The following FAT2 variants were observed in gnomAD, a reference collection of about 807,000 sequenced individuals.
The protein encoded by FAT2 is FAT atypical cadherin 2.
A neutral mutation model predicts 295.3 loss-of-function variants in FAT2; 150 were observed. The ratio of observed to expected loss-of-function variants is 0.51; its 90% CI spans 0.44 to 0.58. FAT2 has a LOEUF of 0.58. FAT2 is among the 20% of genes least tolerant of loss of function. The pLI, the probability that FAT2 is intolerant of heterozygous loss-of-function variation, is 0.00. For synonymous variants in FAT2, 2,026 were observed against 2,150.3 expected (o/e 0.94, Z 1.60); for missense variants, 4,868 against 5,442.7 (o/e 0.89, Z 3.32).
chr5:151,536,131 G>C (rs1755250957), intron 12 of FAT2, among the ~76,000 whole-genome samples: 1 of 152,038 alleles, frequency 6.6e-6, no homozygotes, highest in African/African-American at 2.4e-5. Context: ...GTGGAGGAAG[G>C]GGTTATCATG....
Position 151,566,396 on chromosome 5 carries a change from C to T in FAT2, c.2536G>A (p.Asp846Asn), listed in dbSNP as rs1464431313. 3 of 1,613,952 alleles carry T rather than the reference C, an allele frequency of 1.9e-6. No homozygotes were observed. The highest frequency in any genetic ancestry group is 1.7e-6 in the Non-Finnish European group (2 of 1,179,942). ...GTTIAELTTKDADSEDNGRVR... is the reference protein window; with the variant it reads ...GTTIAELTTKNADSEDNGRVR... ...CTGCCATTGTCTTCCGAGTCAGCATCTTTGGTTGTCAGCTCTGCAATTGTG... is the reference window on the plus strand; with the variant it reads ...CTGCCATTGTCTTCCGAGTCAGCATTTTTGGTTGTCAGCTCTGCAATTGTG... The change falls in exon 2 of 24, where the codon GAT (aspartate) becomes AAT (asparagine). Residue 846 changes from aspartate (D) to asparagine (N), a missense_variant. By Grantham distance (23) the Asp-to-Asn change is conservative. Transcript: ENST00000261800.
chr5:151,580,393 G>A (rs750478257), intron 1 of FAT2, among the ~76,000 whole-genome samples: 2 of 152,210 alleles, frequency 1.3e-5, no homozygotes, highest in Non-Finnish European at 2.9e-5. Context: ...TACCTTCCTG[G>A]AGGATTTAAT....
Position 151,542,554 on chromosome 5 carries a change from G to A in FAT2, c.8573C>T (p.Thr2858Ile). 1 of 1,614,178 alleles carries A rather than the reference G, an allele frequency of 6.2e-7. No individual in the cohort carries two copies. The highest frequency in any genetic ancestry group is 8.5e-7 in the Non-Finnish European group (1 of 1,180,030). Residue 2858 changes from threonine (T) to isoleucine (I), a missense_variant, in exon 10 of 24, where the codon ACC becomes ATC. Thr to Ile is a moderately conservative substitution (Grantham distance 89, BLOSUM62 -1). This residue lies in a region of FAT2 where 3,297 missense variants were observed against 3,669.4 expected (regional missense o/e 0.90). Coordinates refer to ENST00000261800, the MANE Select transcript of FAT2 (RefSeq NM_001447.3). The part of the protein sequence containing the change: ...FAIDSESGWI[T>I]TLQELDCETC... Reference sequence around the variant, plus strand: ...CTCACAGTCAAGTTCCTGGAGTGTGGTGATCCAACCACTCTCACTGTCAAT... The same window carrying A: ...CTCACAGTCAAGTTCCTGGAGTGTGATGATCCAACCACTCTCACTGTCAAT...
At position 151,566,544 on chromosome 5, in the gene FAT2, G is replaced by A. The variant is rs772522835; in HGVS notation, c.2388C>T (p.Gly796=). 1.2e-6 allele frequency: 2 copies of A among 1,613,966 alleles called. No homozygotes were observed. Among genetic ancestry groups the A allele is most frequent in the South Asian group, 2.2e-5 (2 of 91,062 alleles). ...YILNVTVYDL[G]TPQKSSWKLL... ...GCTTCCAGGAGGACTTCTGGGGTGTGCCCAGGTCATATACTGTTACATTGA... is the reference window on the plus strand; with the variant it reads ...GCTTCCAGGAGGACTTCTGGGGTGTACCCAGGTCATATACTGTTACATTGA... The change falls in exon 2 of 24, where the codon GGC becomes GGT. Residue 796 remains glycine (G), a synonymous_variant. Transcript: ENST00000261800.
chr5:151,533,073 T>C (rs1754825573), intron 13 of FAT2, among the ~76,000 whole-genome samples: 1 of 152,146 alleles, frequency 6.6e-6, no homozygotes, highest in African/African-American at 2.4e-5. Flanking sequence ...TAATGGTAAG[T>C]TGATATAAGG....
chr5:151,568,131 A>G lies in FAT2; in HGVS notation c.801T>C (p.Asn267=). The G allele has an allele frequency of 6.2e-7, 1 of 1,614,182 alleles. No individual in the cohort carries two copies. Among genetic ancestry groups the G allele is most frequent in the Non-Finnish European group, 8.5e-7 (1 of 1,180,032 alleles). ...ASVVVTPPDS[N]DGTTYATVLV... is the part of the protein sequence containing the mutation. ...GTACAGTGGCATAGGTGGTACCATC[A>G]TTGCTGTCTGGTGGAGTCACCACCA... The change falls in exon 2 of 24, where the codon AAT becomes AAC. Residue 267 remains asparagine, a synonymous_variant. Coordinates refer to ENST00000261800, the MANE Select transcript of FAT2 (RefSeq NM_001447.3).
intron 19 of FAT2, among the ~76,000 whole-genome samples, chr5:151,520,035 T>C (rs73272057): frequency 6.6e-6 from 1 of 152,208 alleles, no homozygotes; most frequent in Non-Finnish European, 1.5e-5. Flanking sequence ...TGGCTTTCCC[T>C]GAAGCAGGCC....
intron 11 of FAT2, among the ~76,000 whole-genome samples, chr5:151,538,535 G>A (rs1186582179): frequency 6.6e-6 from 1 of 152,204 alleles, no homozygotes; most frequent in East Asian, 1.9e-4. Flanking sequence ...AGTGGCAGAG[G>A]GGAAAGGCTG....
At chr5:151,517,849 G>C (rs1187789756) in intron 19 of FAT2, 84 bp from the exon 20 acceptor site, 1 of 1,510,972 alleles carries the variant, frequency 6.6e-7, no homozygotes, top group Non-Finnish European at 9.1e-7. Context: ...TTTAATCCTT[G>C]GGTGGCAGAC....
At chr5:151,506,374 G>A (rs1760873107) in intron 23 of FAT2, among the ~76,000 whole-genome samples, 2 of 152,210 alleles carry the variant, frequency 1.3e-5, no homozygotes, top group African/African-American at 4.8e-5. Context: ...ATGTCTCCAT[G>A]CAACCCACCC....
At chr5:151,571,367 G>T (rs1758515992) in intron 1 of FAT2, among the ~76,000 whole-genome samples, 1 of 151,986 alleles carries the variant, frequency 6.6e-6, no homozygotes, top group Non-Finnish European at 1.5e-5. Flanking sequence ...AGCTCTGTGA[G>T]CCCAGGGTGC....
intron 2 of FAT2, among the ~76,000 whole-genome samples, chr5:151,565,165 A>T (rs1465773482): frequency 6.6e-6 from 1 of 152,230 alleles, no homozygotes; most frequent in African/African-American, 2.4e-5. Context: ...GTAGAATAAT[A>T]TGTGGCCAAT....
chr5:151,524,609 C>CT (rs1287358824), intron 18 of FAT2, among the ~76,000 whole-genome samples: 3 of 152,226 alleles, frequency 2.0e-5, no homozygotes, highest in East Asian at 1.9e-4. Context: ...CCCAAATGGA[C>CT]TAAGTCAGTG....
At chr5:151,569,528 C>T (rs948558750) in intron 1 of FAT2, among the ~76,000 whole-genome samples, 6 of 152,164 alleles carry the variant, frequency 3.9e-5, no homozygotes, top group African/African-American at 1.2e-4. Context: ...ACAGCCAAAC[C>T]ATATCAGCCC....
chr5:151,543,302 C>A lies in FAT2; in HGVS notation c.7825G>T (p.Ala2609Ser), dbSNP rs1479798914. 2.5e-6 allele frequency: 4 copies of A among 1,614,078 alleles called. No homozygotes were observed. Among genetic ancestry groups the A allele is most frequent in the Non-Finnish European group, 3.4e-6 (4 of 1,180,032 alleles). The stretch of plus-strand genomic sequence containing the variant: ...TTCTGACCTTCATCTGCATCATAGG[C>A]CAACACCTGGATAACCGGAGAGTCT... ...SKDSPVIQVL[A>S]YDADEGQNAD... Residue 2609 changes from alanine to serine, a missense_variant, in exon 10 of 24, where the codon GCC (alanine) becomes TCC (serine). Physicochemically the swap from Ala to Ser is moderately conservative, Grantham distance 99. This residue lies in a region of FAT2 where 3,297 missense variants were observed against 3,669.4 expected (regional missense o/e 0.90). Coordinates refer to ENST00000261800, the MANE Select transcript of FAT2 (RefSeq NM_001447.3).
intron 13 of FAT2, 62 bp from the exon 14 acceptor site, chr5:151,532,032 C>A (rs2127592187): frequency 6.3e-7 from 1 of 1,578,434 alleles, no homozygotes; most frequent in Admixed American, 1.8e-5. Flanking sequence ...CTGCCTGCAG[C>A]AAACCCTGCA....
rs117280396 is a variant in FAT2 at position 151,576,900 on chromosome 5, A to G, written c.-20-7949T>C. Among the ~76,000 whole-genome samples the G allele has an allele frequency of 2.4e-4, 36 of 152,294 alleles. No individual in the cohort carries two copies. In the East Asian group the frequency reaches 6.9e-3, roughly 29 times the overall value. On this transcript the variant is annotated intron_variant, in intron 1 of 23. Transcript: ENST00000261800. ...ACACCTAGGCTATGTGGTACAGCCT[A>G]TTGCTCCTAGGATACAAACCTGTAC... is the stretch of plus-strand genomic sequence containing the variant.
rs114480673 is a variant in FAT2 at position 151,505,119 on chromosome 5, G to T, written c.*446C>A. 2.6e-3 allele frequency: 649 copies of T among 251,128 alleles called. 2 individuals carry two copies. Among genetic ancestry groups the T allele is most frequent in the Middle Eastern group, 0.02 (14 of 714 alleles). 15.6% of individuals were successfully genotyped at this position (251,128 alleles called of 1,614,324 possible). A position where few individuals can be genotyped will look rare whatever the true frequency, so the allele number is the denominator to read the frequency against. On this transcript the variant is annotated 3_prime_UTR_variant, in exon 24 of 24. Transcript: ENST00000261800. ...GCAGCCCTCTAGAGCTCCTCTGTAC[G>T]GCCCGCGTAGTGGTTGTCTGTCAGG...
chr5:151,555,334 G>A (rs1757587513), intron 4 of FAT2, among the ~76,000 whole-genome samples: 1 of 151,316 alleles, frequency 6.6e-6, no homozygotes, highest in Non-Finnish European at 1.5e-5. Flanking sequence ...ATTCTAGAAG[G>A]CCATTTAGCT....
Sources: allele counts gnomAD v4.1 joint callset (sites outside exome capture counted in the v4.1 genomes callset), GRCh38; gene constraint gnomAD v4.1.1; regional missense constraint gnomAD v4.1.1; transcripts MANE v1.5; gene names NCBI Gene and HGNC (gene_info 2026-07-23, HGNC 2026-07-21).